Variants in CHRM3 observed in about 807,000 individuals in gnomAD.
CHRM3 encodes the protein cholinergic receptor muscarinic 3, also known as muscarinic acetylcholine receptor M3.
Under a neutral mutation model 41.8 loss-of-function variants are expected in CHRM3, and 11 were observed. That is an observed-to-expected ratio of 0.26 (90% CI 0.17 to 0.44). CHRM3 has a LOEUF of 0.44. Ranked by LOEUF, CHRM3 falls within the 20% of genes least tolerant of loss-of-function variation. The pLI is 1.00. For missense variants in CHRM3, 571 were observed against 745.4 expected (o/e 0.77, Z 2.72); for synonymous variants, 297 against 301.4 (o/e 0.99, Z 0.15).
intron 3 of CHRM3, among the ~76,000 whole-genome samples, chr1:239,591,809 A>G (rs1420069129): frequency 6.6e-6 from 1 of 152,202 alleles, no homozygotes; most frequent in East Asian, 1.9e-4. Context: ...AGCCTGCTAC[A>G]AATTTTATGT....
At chr1:239,455,349 C>A (rs1034775233) in intron 1 of CHRM3, among the ~76,000 whole-genome samples, 4 of 151,742 alleles carry the variant, frequency 2.6e-5, no homozygotes, top group South Asian at 2.1e-4. Context: ...CAGTGCCCAG[C>A]CTTCTACTTT....
Position 239,649,879 on chromosome 1 carries a change from A to G in CHRM3, c.-250+17593A>G, listed in dbSNP as rs576258377. Among the ~76,000 whole-genome samples, 17 of 152,326 alleles carry G rather than the reference A, an allele frequency of 1.1e-4. No individual in the cohort carries two copies. In the East Asian group the frequency reaches 3.3e-3, roughly 29 times the overall value. ...TTATTATTTCCTTTTCCTAACTACA[A>G]GGTACTAGGCAGCAGGGCACTGTGT... On this transcript the variant is annotated intron_variant, in intron 4 of 6. Coordinates refer to ENST00000676153, the MANE Select transcript of CHRM3 (RefSeq NM_001375978.1).
chr1:239,459,817 C>T (rs1335073858), intron 1 of CHRM3, among the ~76,000 whole-genome samples: 2 of 152,156 alleles, frequency 1.3e-5, no homozygotes, highest in East Asian at 3.9e-4. Flanking sequence ...GTAATGTCCA[C>T]ATACCCTGAA....
chr1:239,438,559 G>A (rs2103232048), intron 1 of CHRM3, among the ~76,000 whole-genome samples: 1 of 152,274 alleles, frequency 6.6e-6, no homozygotes, highest in South Asian at 2.1e-4. Flanking sequence ...CCTTCTTGTA[G>A]ATTATCCTCA....
At chr1:239,499,199 T>A (rs747412589) in intron 2 of CHRM3, among the ~76,000 whole-genome samples, 10 of 152,162 alleles carry the variant, frequency 6.6e-5, no homozygotes, top group Non-Finnish European at 1.5e-4. Context: ...GGGATTTGGC[T>A]TCTGGATTTA....
chr1:239,534,664 CAACCT>C (rs1572632625), intron 2 of CHRM3, among the ~76,000 whole-genome samples: 2 of 152,132 alleles, frequency 1.3e-5, no homozygotes, highest in East Asian at 1.9e-4. Flanking sequence ...TGGCCAAATC[CAACCT>C]AAGTTTGAAT....
chr1:239,474,806 C>T (rs1666360091), intron 1 of CHRM3, among the ~76,000 whole-genome samples: 1 of 151,988 alleles, frequency 6.6e-6, no homozygotes, highest in Admixed American at 6.6e-5. Flanking sequence ...AACTAACTAC[C>T]CTTCCAAAAA....
At chr1:239,688,682 G>T (rs548363796) in intron 5 of CHRM3, among the ~76,000 whole-genome samples, 2 of 126,876 alleles carry the variant, frequency 1.6e-5, no homozygotes, top group African/African-American at 3.0e-5. Context: ...TATATGTTAT[G>T]CAATATAATA....
At chr1:239,608,307 T>C (rs771427945) in intron 3 of CHRM3, among the ~76,000 whole-genome samples, 25 of 152,198 alleles carry the variant, frequency 1.6e-4, no homozygotes, top group Admixed American at 3.3e-4. Context: ...GCCATCTGAG[T>C]CCTTGTCTGT....
intron 5 of CHRM3, among the ~76,000 whole-genome samples, chr1:239,809,804 T>A (rs184659568): frequency 6.6e-6 from 1 of 152,118 alleles, no homozygotes; most frequent in Non-Finnish European, 1.5e-5. Context: ...TGGCCTACTG[T>A]AGTTGTTTTC....
intron 3 of CHRM3, among the ~76,000 whole-genome samples, chr1:239,615,721 C>A (rs1256609118): frequency 6.6e-6 from 1 of 151,642 alleles, no homozygotes; most frequent in Non-Finnish European, 1.5e-5. Context: ...ACCCCAATAT[C>A]TCCATTATCA....
chr1:239,900,166 A>G (rs1253596024), intron 6 of CHRM3, among the ~76,000 whole-genome samples: 4 of 152,158 alleles, frequency 2.6e-5, no homozygotes, highest in Non-Finnish European at 5.9e-5. Context: ...TTGAGTCAGG[A>G]TGAGGAAGGA....
intron 3 of CHRM3, among the ~76,000 whole-genome samples, chr1:239,618,406 G>A (rs1222099333): frequency 1.3e-5 from 2 of 150,766 alleles, no homozygotes; most frequent in African/African-American, 4.9e-5. Flanking sequence ...CTAGTCCGGA[G>A]AGAAGCTCAG....
At chr1:239,437,058 C>T (rs776963237) in intron 1 of CHRM3, among the ~76,000 whole-genome samples, 1 of 152,238 alleles carries the variant, frequency 6.6e-6, no homozygotes, top group Admixed American at 6.5e-5. Flanking sequence ...TGTTTATAAT[C>T]TAGTGGGTAA....
At chr1:239,557,710 C>T (rs1170020555) in intron 3 of CHRM3, among the ~76,000 whole-genome samples, 1 of 152,136 alleles carries the variant, frequency 6.6e-6, no homozygotes, top group African/African-American at 2.4e-5. Context: ...TTGTTCAGCT[C>T]CCACTTATAA....
chr1:239,844,830 G>A (rs1405658832), intron 6 of CHRM3, among the ~76,000 whole-genome samples: 1 of 152,174 alleles, frequency 6.6e-6, no homozygotes, highest in African/African-American at 2.4e-5. Flanking sequence ...TGGCTTTAAA[G>A]CCCAGGCTCC....
chr1:239,623,248 G>A (rs1471003108), intron 3 of CHRM3, among the ~76,000 whole-genome samples: 1 of 150,162 alleles, frequency 6.7e-6, no homozygotes, highest in Non-Finnish European at 1.5e-5. Context: ...ATCTCCTAAT[G>A]CTATCCCTCC....
chr1:239,818,110 A>G (rs1206396609), intron 5 of CHRM3, among the ~76,000 whole-genome samples: 1 of 152,118 alleles, frequency 6.6e-6, no homozygotes, highest in Non-Finnish European at 1.5e-5. Context: ...TCCAACATCA[A>G]GGTGCAGGCA....
At chr1:239,705,426 T>G (rs567907583) in intron 5 of CHRM3, 1 of 152,318 alleles carries the variant, frequency 6.6e-6, no homozygotes, top group Non-Finnish European at 1.5e-5. Flanking sequence ...AGAAACTTAG[T>G]GCTTCACAAT....
Sources: allele counts gnomAD v4.1 joint callset (sites outside exome capture counted in the v4.1 genomes callset), GRCh38; gene constraint gnomAD v4.1.1; transcripts MANE v1.5; gene names NCBI Gene and HGNC (gene_info 2026-07-23, HGNC 2026-07-21).